Variants in PARD3B observed in about 807,000 individuals in gnomAD.
PARD3B encodes the protein par-3 family cell polarity regulator beta.
A neutral mutation model predicts 130.2 loss-of-function variants in PARD3B; 103 were observed. The ratio of observed to expected loss-of-function variants is 0.79; its 90% CI spans 0.67 to 0.93. The LOEUF is 0.93. Among genes scored for constraint, PARD3B ranks in the 40% least tolerant of loss-of-function variants. PARD3B has a pLI of 0.00. For synonymous variants in PARD3B, 583 were observed against 553.2 expected, an observed-to-expected ratio of 1.05 and a Z score of -0.76; for missense variants, 1,609 against 1,499.2, an observed-to-expected ratio of 1.07 and a Z score of -1.21.
At chr2:204,727,238 T>C (rs574388806) in intron 2 of PARD3B, among the ~76,000 whole-genome samples, 18 of 152,328 alleles carry the variant, frequency 1.2e-4, no homozygotes, top group African/African-American at 4.1e-4. Context: ...TATATTTGTG[T>C]ACACATGTTT....
intron 10 of PARD3B, among the ~76,000 whole-genome samples, chr2:205,147,777 T>G (rs1282545982): frequency 6.6e-6 from 1 of 152,184 alleles, no homozygotes; most frequent in African/African-American, 2.4e-5. Context: ...ACCTATATCT[T>G]AAAAGTTTTC....
chr2:205,174,265 A>G (rs2035341369), intron 12 of PARD3B, among the ~76,000 whole-genome samples: 1 of 152,176 alleles, frequency 6.6e-6, no homozygotes, highest in South Asian at 2.1e-4. Flanking sequence ...TGCCATGTTA[A>G]TGTAGATCAC....
Position 204,901,951 on chromosome 2 carries a change from G to A in PARD3B, c.223-63201G>A, listed in dbSNP as rs373574762. On this transcript the variant is annotated intron_variant, in intron 2 of 22. Coordinates refer to ENST00000406610, the MANE Select transcript of PARD3B (RefSeq NM_001302769.2). ...AGTCTGCCTAGTGCCCTATTCTACT[G>A]TGGTTGAGCTGGTATCCCAGTTGCA... is the stretch of plus-strand genomic sequence containing the variant. Among the ~76,000 whole-genome samples, 44 of 152,134 alleles carry A rather than the reference G, an allele frequency of 2.9e-4. No individual in the cohort carries two copies. In the South Asian group the frequency reaches 8.9e-3, roughly 31 times the overall value.
chr2:204,789,956 C>T (rs2042144183), intron 2 of PARD3B, among the ~76,000 whole-genome samples: 1 of 151,768 alleles, frequency 6.6e-6, no homozygotes, highest in Admixed American at 6.6e-5. Flanking sequence ...CTGCAAGCTC[C>T]ACCTCCCGGG....
intron 15 of PARD3B, among the ~76,000 whole-genome samples, chr2:205,213,088 T>C (rs11890174): frequency 0.16 from 24,410 of 152,066 alleles, 2,276 homozygotes; most frequent in African/African-American, 0.26. Context: ...ATTATGGCTG[T>C]TTCAAATAAG....
At position 205,265,888 on chromosome 2, in the gene PARD3B, T is replaced by C. The variant is rs530067770; in HGVS notation, c.2185+20066T>C. On this transcript the variant is annotated intron_variant, in intron 16 of 22. Transcript: ENST00000406610. This position sits in a 1 kb window ranked among gnomAD's most constrained non-coding sequence, Gnocchi z 4.3. ...CTTCTGTTCATACAGATTTTTATCATTTTAGTACTTCATCTGTGATATAAA... is the reference window on the plus strand; with the variant it reads ...CTTCTGTTCATACAGATTTTTATCACTTTAGTACTTCATCTGTGATATAAA... 7.9e-5 allele frequency among the ~76,000 whole-genome samples: 12 copies of C among 152,110 alleles called. No homozygotes were observed. The highest frequency in any genetic ancestry group is 2.0e-4 in the Admixed American group (3 of 15,278).
At chr2:205,334,502 A>G (rs2043241565) in intron 18 of PARD3B, among the ~76,000 whole-genome samples, 1 of 152,180 alleles carries the variant, frequency 6.6e-6, no homozygotes, top group Admixed American at 6.5e-5. Flanking sequence ...CCCTGACACT[A>G]ATTGTAACCA....
At chr2:205,402,867 AG>A (rs1409368116) in intron 19 of PARD3B, among the ~76,000 whole-genome samples, 1 of 152,222 alleles carries the variant, frequency 6.6e-6, no homozygotes, top group African/African-American at 2.4e-5. Context: ...CATGTGCTAG[AG>A]GAAGAAGTTG....
chr2:205,281,404 T>A lies in PARD3B; in HGVS notation c.2186-19126T>A, dbSNP rs2041183804. Reference sequence around the variant, plus strand: ...GTCCCACACTGCCTAAGTCATTTTCTGGTCTTCATATTGCACACAAAAGTT... The same window carrying A: ...GTCCCACACTGCCTAAGTCATTTTCAGGTCTTCATATTGCACACAAAAGTT... On this transcript the variant is annotated intron_variant, in intron 16 of 22. Transcript: ENST00000406610. This position sits in a 1 kb window ranked among gnomAD's most constrained non-coding sequence, Gnocchi z 4.2. Among the ~76,000 whole-genome samples the A allele has an allele frequency of 6.6e-6, 1 of 152,226 alleles. No homozygotes were observed. Among genetic ancestry groups the A allele is most frequent in the African/African-American group, 2.4e-5 (1 of 41,458 alleles).
chr2:205,571,427 TAAG>T (rs2106548050), intron 22 of PARD3B, among the ~76,000 whole-genome samples: 1 of 152,282 alleles, frequency 6.6e-6, no homozygotes, highest in African/African-American at 2.4e-5. Flanking sequence ...CATTCTTACT[TAAG>T]AAGTCAAGAA....
At position 205,301,429 on chromosome 2, in the gene PARD3B, T is replaced by C; in HGVS notation, c.2393-35T>C. 1.9e-6 allele frequency: 3 copies of C among 1,580,890 alleles called. No homozygotes were observed. The highest frequency in any genetic ancestry group is 2.6e-6 in the Non-Finnish European group (3 of 1,168,126). On this transcript the variant is annotated intron_variant, in intron 17 of 22. Transcript: ENST00000406610. The surrounding 1 kb of genome is among the most constrained non-coding windows in gnomAD (Gnocchi z 5.2). Reference sequence around the variant, plus strand: ...TCTGTATACTAACTGAGTGTGCCCCTGACCATGGGTATTGATTATTTTTTC... The same window carrying C: ...TCTGTATACTAACTGAGTGTGCCCCCGACCATGGGTATTGATTATTTTTTC...
rs573380275 is a variant in PARD3B, at chr2:204,973,929, G to A, written c.394+8606G>A. On this transcript the variant is annotated intron_variant, in intron 3 of 22. Coordinates refer to ENST00000406610, the MANE Select transcript of PARD3B (RefSeq NM_001302769.2). ...TTTGCTTACCCCTTTTTTGTTAAATGTTTACCAGATAAAAGACAAAGACCT... is the reference window on the plus strand; with the variant it reads ...TTTGCTTACCCCTTTTTTGTTAAATATTTACCAGATAAAAGACAAAGACCT... Among the ~76,000 whole-genome samples the A allele has an allele frequency of 5.9e-5, 9 of 152,182 alleles. No individual in the cohort carries two copies. In the South Asian group the frequency reaches 1.7e-3, roughly 28 times the overall value.
chr2:204,884,449 TTC>T (rs2046196569), intron 2 of PARD3B, among the ~76,000 whole-genome samples: 1 of 152,296 alleles, frequency 6.6e-6, no homozygotes, highest in Non-Finnish European at 1.5e-5. Context: ...TAGCAGAATG[TTC>T]TCTTTTTTTC....
chr2:204,614,618 T>C (rs1329164918), intron 1 of PARD3B, among the ~76,000 whole-genome samples: 1 of 152,158 alleles, frequency 6.6e-6, no homozygotes, highest in Non-Finnish European at 1.5e-5. Context: ...TGAATTGTAA[T>C]CCCCATTGTT....
intron 2 of PARD3B, among the ~76,000 whole-genome samples, chr2:204,729,891 A>T (rs1333270626): frequency 6.6e-6 from 1 of 152,074 alleles, no homozygotes; most frequent in African/African-American, 2.4e-5. Flanking sequence ...AAACAAAATT[A>T]GTATTTATAT....
At chr2:204,744,424 C>G (rs1440906422) in intron 2 of PARD3B, among the ~76,000 whole-genome samples, 1 of 152,142 alleles carries the variant, frequency 6.6e-6, no homozygotes, top group East Asian at 1.9e-4. Flanking sequence ...GCACATTTTT[C>G]TAATTCTTAG....
At chr2:204,722,892 C>T (rs1335755513) in intron 2 of PARD3B, among the ~76,000 whole-genome samples, 1 of 152,108 alleles carries the variant, frequency 6.6e-6, no homozygotes, top group Non-Finnish European at 1.5e-5. Context: ...CCCACTCTTT[C>T]CCTCTGCTGA....
chr2:204,566,687 C>T (rs1031110358), intron 1 of PARD3B, among the ~76,000 whole-genome samples: 1 of 152,106 alleles, frequency 6.6e-6, no homozygotes, highest in Admixed American at 6.5e-5. Flanking sequence ...TCTATAAAGA[C>T]AAGGTAAAGA....
At chr2:204,793,796 C>A (rs1182938905) in intron 2 of PARD3B, among the ~76,000 whole-genome samples, 2 of 152,220 alleles carry the variant, frequency 1.3e-5, no homozygotes, top group East Asian at 1.9e-4. Flanking sequence ...TGTGAGCCAC[C>A]ACGCCCGGCC....
Sources: allele counts gnomAD v4.1 joint callset (sites outside exome capture counted in the v4.1 genomes callset), GRCh38; gene constraint gnomAD v4.1.1; non-coding constraint Gnocchi (gnomAD v3.1); transcripts MANE v1.5; gene names NCBI Gene and HGNC (gene_info 2026-07-23, HGNC 2026-07-21).